Variants in ANO2 observed in about 807,000 individuals in gnomAD.
ANO2 encodes anoctamin 2, also known as anoctamin-2.
Under a neutral mutation model 124.2 loss-of-function variants are expected in ANO2, and 101 were observed. That is an observed-to-expected ratio of 0.81 (90% CI 0.69 to 0.96). The LOEUF is 0.96. Ranked by LOEUF, ANO2 falls within the 40% of genes least tolerant of loss-of-function variation. The pLI is 0.00. For missense variants in ANO2, 1,293 were observed against 1,274.5 expected (o/e 1.01, Z -0.22); for synonymous variants, 486 against 482.5 (o/e 1.01, Z -0.09).
At chr12:5,796,342 G>A (rs1435759213) in intron 10 of ANO2, among the ~76,000 whole-genome samples, 2 of 147,280 alleles carry the variant, frequency 1.4e-5, no homozygotes, top group Non-Finnish European at 3.0e-5. Flanking sequence ...ACTCATGCAC[G>A]CTCACACTCT....
intron 1 of ANO2, among the ~76,000 whole-genome samples, chr12:5,926,183 C>T (rs938910730): frequency 2.6e-5 from 4 of 152,212 alleles, no homozygotes; most frequent in African/African-American, 9.6e-5. Context: ...TGCCCCATGT[C>T]CAATTTGGTA....
chr12:5,721,063 G>A (rs1412159671), intron 14 of ANO2, among the ~76,000 whole-genome samples: 2 of 152,144 alleles, frequency 1.3e-5, no homozygotes, highest in African/African-American at 2.4e-5. Context: ...CATGAAGCCC[G>A]AACCACGCTG....
At chr12:5,594,703 C>A (rs943508921) in intron 20 of ANO2, among the ~76,000 whole-genome samples, 3 of 151,980 alleles carry the variant, frequency 2.0e-5, no homozygotes, top group African/African-American at 7.3e-5. Context: ...CTGGGTTTGG[C>A]GGTGCATGCC....
intron 14 of ANO2, among the ~76,000 whole-genome samples, chr12:5,675,807 C>T (rs1177000393): frequency 1.3e-5 from 2 of 152,224 alleles, no homozygotes; most frequent in South Asian, 4.1e-4. Flanking sequence ...TGTGCATTCT[C>T]ATCTGCTGTG....
intron 14 of ANO2, among the ~76,000 whole-genome samples, chr12:5,665,142 G>A (rs371397658): frequency 4.6e-5 from 7 of 152,100 alleles, no homozygotes; most frequent in African/African-American, 1.4e-4. Flanking sequence ...TGAACTGCAG[G>A]ATGTCTCTGC....
chr12:5,694,734 T>TTTTG (rs575589730), intron 14 of ANO2, among the ~76,000 whole-genome samples: 147 of 152,176 alleles, frequency 9.7e-4, no homozygotes, highest in Middle Eastern at 3.4e-3. Flanking sequence ...GTTTTCTTTG[T>TTTTG]TTTGTTTGTT....
At chr12:5,719,297 A>ACACACACT (rs556403340) in intron 14 of ANO2, among the ~76,000 whole-genome samples, 8 of 152,256 alleles carry the variant, frequency 5.3e-5, no homozygotes, top group East Asian at 1.9e-4. Flanking sequence ...GAATTAAGAC[A>ACACACACT]CACACACTCA....
chr12:5,607,879 G>C (rs994538324), intron 19 of ANO2, among the ~76,000 whole-genome samples: 5 of 152,086 alleles, frequency 3.3e-5, no homozygotes, highest in African/African-American at 1.2e-4. Flanking sequence ...CTACATTATG[G>C]TAAGTTGTAA....
intron 3 of ANO2, among the ~76,000 whole-genome samples, chr12:5,888,573 C>T (rs1003964858): frequency 6.6e-6 from 1 of 152,122 alleles, no homozygotes; most frequent in Non-Finnish European, 1.5e-5. Context: ...CTGAGCTAGA[C>T]AGAGAAGTTC....
At chr12:5,593,454 A>G (rs779608627) in intron 20 of ANO2, among the ~76,000 whole-genome samples, 14 of 152,234 alleles carry the variant, frequency 9.2e-5, no homozygotes, top group Non-Finnish European at 1.8e-4. Context: ...AAAGACAAAC[A>G]TCTTGGAGTG....
chr12:5,653,677 A>AT (rs1422881866), intron 14 of ANO2, among the ~76,000 whole-genome samples: 1 of 152,224 alleles, frequency 6.6e-6, no homozygotes, highest in Middle Eastern at 3.2e-3. Context: ...CTAGGCATAC[A>AT]TAGAAGAACA....
intron 4 of ANO2, chr12:5,852,037 A>T: frequency 1.4e-6 from 1 of 707,596 alleles, no homozygotes. Context: ...AACATTACAC[A>T]TTCAGATAAA....
upstream of ANO2, among the ~76,000 whole-genome samples, chr12:5,945,429 A>C (rs1943065621): frequency 6.6e-6 from 1 of 151,990 alleles, no homozygotes; most frequent in South Asian, 2.1e-4. Flanking sequence ...GGGTGCTGGG[A>C]GCGGGGCGTC....
In ANO2 at chr12:5,928,537, C is replaced by T. The variant is rs28554118; in HGVS notation, c.23-5733G>A. On this transcript the variant is annotated intron_variant, in intron 1 of 24. Transcript: ENST00000682330. ...CTCTAGTCTACCTTCCTTCCTTACT[C>T]GTCTACCTTCTTTCCTTATTAGTCA... Among the ~76,000 whole-genome samples the T allele has an allele frequency of 7.6e-4, 91 of 119,540 alleles. 6 individuals carry two copies. The highest frequency in any genetic ancestry group is 2.8e-3 in the African/African-American group (87 of 30,686). 78.4% of individuals were successfully genotyped at this position (119,540 alleles called of 152,430 possible).
chr12:5,813,600 A>G (rs193030183), intron 7 of ANO2, among the ~76,000 whole-genome samples: 1 of 152,156 alleles, frequency 6.6e-6, no homozygotes, highest in East Asian at 1.9e-4. Flanking sequence ...TCTTCCAACC[A>G]TCCTCACCAA....
intron 10 of ANO2, among the ~76,000 whole-genome samples, chr12:5,782,873 G>A (rs184759114): frequency 3.8e-4 from 58 of 152,302 alleles, no homozygotes; most frequent in Admixed American, 7.8e-4. Flanking sequence ...AACATCTTTT[G>A]AGCCAAATCT....
intron 19 of ANO2, among the ~76,000 whole-genome samples, chr12:5,611,263 C>G (rs1265301330): frequency 6.6e-6 from 1 of 152,168 alleles, no homozygotes; most frequent in Non-Finnish European, 1.5e-5. Flanking sequence ...GCCACCACAC[C>G]TGGCCAGAAA....
chr12:5,834,952 T>C (rs1329133275), intron 4 of ANO2, among the ~76,000 whole-genome samples: 5 of 152,256 alleles, frequency 3.3e-5, no homozygotes, highest in Non-Finnish European at 7.3e-5. Flanking sequence ...CATAGATATC[T>C]TTCCAGGACA....
At chr12:5,782,941 T>C (rs1952443396) in intron 10 of ANO2, among the ~76,000 whole-genome samples, 2 of 152,206 alleles carry the variant, frequency 1.3e-5, no homozygotes, top group South Asian at 4.1e-4. Flanking sequence ...CATCTGTGTA[T>C]CTTCCCTACT....
Sources: allele counts gnomAD v4.1 joint callset (sites outside exome capture counted in the v4.1 genomes callset), GRCh38; gene constraint gnomAD v4.1.1; transcripts MANE v1.5; gene names NCBI Gene and HGNC (gene_info 2026-07-23, HGNC 2026-07-21).